The following KCNQ3 variants were observed in gnomAD, a reference collection of about 807,000 sequenced individuals.
KCNQ3 encodes the protein potassium voltage-gated channel subfamily Q member 3.
A neutral mutation model predicts 92.5 loss-of-function variants in KCNQ3; 30 were observed. The ratio of observed to expected loss-of-function variants is 0.32; its 90% CI spans 0.24 to 0.44. KCNQ3 has a LOEUF of 0.44. KCNQ3 is among the 20% of genes least tolerant of loss of function. KCNQ3 has a pLI of 1.00. For missense variants in KCNQ3, 913 were observed against 1,140.3 expected (o/e 0.80, Z 2.87); for synonymous variants, 450 against 468.8 (o/e 0.96, Z 0.52).
intron 1 of KCNQ3, among the ~76,000 whole-genome samples, chr8:132,287,971 G>C (rs539676797): frequency 6.6e-6 from 1 of 152,188 alleles, no homozygotes; most frequent in Admixed American, 6.5e-5. Flanking sequence ...AATTGACAAA[G>C]TCATATTTCT....
intron 1 of KCNQ3, among the ~76,000 whole-genome samples, chr8:132,425,173 C>A (rs559040386): frequency 6.4e-4 from 98 of 152,272 alleles, no homozygotes; most frequent in African/African-American, 2.0e-3. Flanking sequence ...CCCAACTGGA[C>A]GCCAATACAT....
chr8:132,271,718 C>G lies in KCNQ3; in HGVS notation c.387-85537G>C, dbSNP rs1407488880. Among the ~76,000 whole-genome samples the G allele has an allele frequency of 2.0e-5, 3 of 152,222 alleles. No individual in the cohort carries two copies. In the East Asian group the frequency reaches 5.8e-4, roughly 29 times the overall value. Reference sequence around the variant, plus strand: ...GTAAATATTAACACTTCCACCATCTCTCCACCCTCCATAGCTCTCCACCCC... The same window carrying G: ...GTAAATATTAACACTTCCACCATCTGTCCACCCTCCATAGCTCTCCACCCC... On this transcript the variant is annotated intron_variant, in intron 1 of 14. Coordinates refer to ENST00000388996, the MANE Select transcript of KCNQ3 (RefSeq NM_004519.4).
chr8:132,242,565 A>G (rs1054392401), intron 1 of KCNQ3, among the ~76,000 whole-genome samples: 2 of 152,206 alleles, frequency 1.3e-5, no homozygotes, highest in African/African-American at 4.8e-5. Context: ...TTAGTTTTAC[A>G]ATAATCTATA....
chr8:132,269,488 T>C (rs1816086956), intron 1 of KCNQ3, among the ~76,000 whole-genome samples: 1 of 152,252 alleles, frequency 6.6e-6, no homozygotes, highest in African/African-American at 2.4e-5. Context: ...TCCATTGTAT[T>C]GCCTTTTCTA....
chr8:132,462,740 C>T (rs1447498268), intron 1 of KCNQ3, among the ~76,000 whole-genome samples: 2 of 152,220 alleles, frequency 1.3e-5, no homozygotes, highest in African/African-American at 2.4e-5. Context: ...TTATACACAT[C>T]TGGCAGTGTT....
chr8:132,333,769 T>TG lies in KCNQ3; in HGVS notation c.386+146377dup, dbSNP rs565087444. Among the ~76,000 whole-genome samples the TG allele has an allele frequency of 5.9e-5, 9 of 151,940 alleles. No individual in the cohort carries two copies. The East Asian group carries it at 1.4e-3, about 23-fold the overall frequency. ...TTTTTTTTGAGACTGAGTCTTGCTC[T>TG]GTCACCAAGGCTGGAGTGCAGTGGT... On this transcript the variant is annotated intron_variant, in intron 1 of 14. Coordinates refer to ENST00000388996, the MANE Select transcript of KCNQ3 (RefSeq NM_004519.4).
chr8:132,350,446 G>C (rs1330534805), intron 1 of KCNQ3, among the ~76,000 whole-genome samples: 1 of 152,106 alleles, frequency 6.6e-6, no homozygotes, highest in Non-Finnish European at 1.5e-5. Context: ...AGTCCACCGA[G>C]GCCAAGCTAC....
chr8:132,395,814 A>C (rs371378671), intron 1 of KCNQ3, among the ~76,000 whole-genome samples: 1 of 152,196 alleles, frequency 6.6e-6, no homozygotes, highest in Non-Finnish European at 1.5e-5. Context: ...GACTTACCCA[A>C]TGGCATCTCC....
rs113864439 is a variant in KCNQ3 at position 132,337,404 on chromosome 8, G to A, written c.386+142743C>T. The stretch of plus-strand genomic sequence containing the variant: ...GCCAGCTACTCAGGGGGCTGAGGCA[G>A]GAGAATTGCTTGAGCCCAAGGAGGT... On this transcript the variant is annotated intron_variant, in intron 1 of 14. Coordinates refer to ENST00000388996, the MANE Select transcript of KCNQ3 (RefSeq NM_004519.4). Among the ~76,000 whole-genome samples the A allele has an allele frequency of 8.7e-3, 1,325 of 152,266 alleles. 18 individuals carry two copies. The highest frequency in any genetic ancestry group is 0.031 in the African/African-American group (1,275 of 41,546).
intron 11 of KCNQ3, among the ~76,000 whole-genome samples, chr8:132,139,711 A>T (rs1372529256): frequency 6.6e-6 from 1 of 152,224 alleles, no homozygotes; most frequent in African/African-American, 2.4e-5. Flanking sequence ...AGGCAGAAGA[A>T]AAACCATTTT....
At chr8:132,309,535 A>C (rs1343632776) in intron 1 of KCNQ3, among the ~76,000 whole-genome samples, 1 of 152,220 alleles carries the variant, frequency 6.6e-6, no homozygotes, top group African/African-American at 2.4e-5. Context: ...CCGGCACCCC[A>C]AACACCCTGG....
chr8:132,294,488 G>A (rs774849154), intron 1 of KCNQ3, among the ~76,000 whole-genome samples: 1 of 152,316 alleles, frequency 6.6e-6, no homozygotes, highest in South Asian at 2.1e-4. Flanking sequence ...CAGAATCAAG[G>A]CTTCTTGGTC....
Position 132,253,445 on chromosome 8 carries a change from C to T in KCNQ3, c.387-67264G>A, listed in dbSNP as rs74897608. On this transcript the variant is annotated intron_variant, in intron 1 of 14. Transcript: ENST00000388996. ...GGTATGTAGGTACTGATGTTTTCCC[C>T]ATATTACAAAAGAAGAAACCAAGGC... 7.9e-3 allele frequency among the ~76,000 whole-genome samples: 1,198 copies of T among 152,254 alleles called. 12 individuals carry two copies. The highest frequency in any genetic ancestry group is 0.012 in the Non-Finnish European group (818 of 68,034).
intron 1 of KCNQ3, among the ~76,000 whole-genome samples, chr8:132,250,258 G>A (rs903343979): frequency 5.3e-5 from 8 of 152,180 alleles, no homozygotes; most frequent in Non-Finnish European, 1.2e-4. Context: ...ACAGAGAATG[G>A]AGACTACATG....
chr8:132,352,240 C>T (rs9297850), intron 1 of KCNQ3, among the ~76,000 whole-genome samples: 61,808 of 151,656 alleles, frequency 0.41, 13,810 homozygotes, highest in African/African-American at 0.59. Flanking sequence ...TCACCAGGGG[C>T]GGGGTGTTAG....
chr8:132,242,734 G>C lies in KCNQ3; in HGVS notation c.387-56553C>G, dbSNP rs564591905. 6.6e-5 allele frequency among the ~76,000 whole-genome samples: 10 copies of C among 152,318 alleles called. No individual in the cohort carries two copies. The South Asian group carries it at 2.1e-3, about 32-fold the overall frequency. On this transcript the variant is annotated intron_variant, in intron 1 of 14. Coordinates refer to ENST00000388996, the MANE Select transcript of KCNQ3 (RefSeq NM_004519.4). ...ATGAATATTTATCGAATGAATGAAT[G>C]AATAATTGAATTATTTTTTAATCTG...
intron 1 of KCNQ3, among the ~76,000 whole-genome samples, chr8:132,212,710 G>A (rs1288558368): frequency 3.9e-5 from 6 of 152,170 alleles, no homozygotes; most frequent in Admixed American, 3.9e-4. Context: ...CAGTCATTCA[G>A]CTGCCGACTA....
chr8:132,378,584 CA>C (rs1407252785), intron 1 of KCNQ3, among the ~76,000 whole-genome samples: 1 of 152,144 alleles, frequency 6.6e-6, no homozygotes, highest in African/African-American at 2.4e-5. Context: ...CTTGCCTTGC[CA>C]CTTCCAAACC....
intron 1 of KCNQ3, among the ~76,000 whole-genome samples, chr8:132,380,978 G>A (rs1819735738): frequency 1.3e-5 from 2 of 151,400 alleles, no homozygotes. Context: ...GAAGGGCATG[G>A]TGCATCTGAA....
Sources: allele counts gnomAD v4.1 joint callset (sites outside exome capture counted in the v4.1 genomes callset), GRCh38; gene constraint gnomAD v4.1.1; transcripts MANE v1.5; gene names NCBI Gene and HGNC (gene_info 2026-07-23, HGNC 2026-07-21).